ABCC2: variants seen among roughly 807,000 people sequenced by gnomAD.
ABCC2 encodes ATP binding cassette subfamily C member 2.
A neutral mutation model predicts 173.4 loss-of-function variants in ABCC2; 157 were observed. The observed-to-expected ratio is 0.91, with a 90% CI of 0.80 to 1.03. The LOEUF (loss-of-function observed/expected upper bound fraction) is 1.03, where lower values mean the gene tolerates loss of function less well. Ranked by LOEUF, ABCC2 falls within the 50% of genes least tolerant of loss-of-function variation. The pLI is 0.00. For missense variants in ABCC2, 1,822 were observed against 1,852.3 expected, an observed-to-expected ratio of 0.98 and a Z score of 0.30; for synonymous variants, 657 against 693.5, an observed-to-expected ratio of 0.95 and a Z score of 0.83.
At chr10:99,846,724 G>C (rs965310831) in intron 29 of ABCC2, among the ~76,000 whole-genome samples, 4 of 151,066 alleles carry the variant, frequency 2.6e-5, no homozygotes, top group African/African-American at 9.8e-5. Flanking sequence ...GGGCAACAGA[G>C]TGAAAGCCTC....
At chr10:99,793,035 C>T (rs559759766) in intron 3 of ABCC2, among the ~76,000 whole-genome samples, 1 of 128,654 alleles carries the variant, frequency 7.8e-6, no homozygotes, top group East Asian at 2.3e-4. Context: ...GCTCTTTCCC[C>T]ACCAGAATGC....
rs1209046076 is a variant in ABCC2, at chr10:99,782,678, CT to C, written c.-166del. On this transcript the variant is annotated 5_prime_UTR_variant, in exon 1 of 32. It removes the in-frame stop codon of an upstream open reading frame in the 5' UTR. Coordinates refer to ENST00000647814, the MANE Select transcript of ABCC2 (RefSeq NM_000392.5). Reference sequence around the variant, plus strand: ...TCCACTGTTTCAATGTAACATGCATCTAGGCAAGGTTAACGATTAAATGGTT... The same window carrying C: ...TCCACTGTTTCAATGTAACATGCATCAGGCAAGGTTAACGATTAAATGGTT... The C allele has an allele frequency of 2.6e-6, 2 of 778,704 alleles. No individual in the cohort carries two copies. The highest frequency in any genetic ancestry group is 3.4e-5 in the African/African-American group (2 of 58,036). The allele number at this position is 778,704 out of a possible 1,614,324, so 48.2% of individuals were successfully genotyped here.
At chr10:99,842,377 C>G (rs545867584) in intron 26 of ABCC2, among the ~76,000 whole-genome samples, 1 of 152,248 alleles carries the variant, frequency 6.6e-6, no homozygotes, top group African/African-American at 2.4e-5. Flanking sequence ...TGCCTCTTTG[C>G]TTGGTTCTAG....
At chr10:99,784,988 ACT>A (rs2037681164) in intron 2 of ABCC2, among the ~76,000 whole-genome samples, 1 of 151,948 alleles carries the variant, frequency 6.6e-6, no homozygotes, top group Non-Finnish European at 1.5e-5. Context: ...AAGAATGGTG[ACT>A]CTTAATTCTT....
At chr10:99,832,715 T>A (rs2038760594) in intron 23 of ABCC2, among the ~76,000 whole-genome samples, 1 of 152,318 alleles carries the variant, frequency 6.6e-6, no homozygotes, top group Middle Eastern at 3.4e-3. Flanking sequence ...GTAAATTTGG[T>A]CTGGACTATG....
At chr10:99,788,421 G>A (rs1221592227) in intron 2 of ABCC2, 1 of 151,906 alleles carries the variant, frequency 6.6e-6, no homozygotes, top group African/African-American at 2.4e-5. Flanking sequence ...CCCCCAAATA[G>A]ACCCAATAGG....
chr10:99,801,794 T>C (rs1014007862), intron 9 of ABCC2, among the ~76,000 whole-genome samples: 1 of 152,226 alleles, frequency 6.6e-6, no homozygotes, highest in African/African-American at 2.4e-5. Context: ...CTATTACAGT[T>C]CCTACTTTTC....
Position 99,830,342 on chromosome 10 carries a change from G to C in ABCC2, c.2656G>C (p.Gly886Arg). The C allele has an allele frequency of 6.2e-7, 1 of 1,614,134 alleles. No individual in the cohort carries two copies. Among genetic ancestry groups the C allele is most frequent in the Non-Finnish European group, 8.5e-7 (1 of 1,179,998 alleles). The change falls in exon 20 of 32, where the codon GGG becomes CGG. Residue 886 changes from glycine (G) to arginine (R), a missense_variant. By Grantham distance (125) the Gly-to-Arg change is moderately radical. Coordinates refer to ENST00000647814, the MANE Select transcript of ABCC2 (RefSeq NM_000392.5). ...CAGTGAAGAAGAAGACGATGACTAT[G>C]GGCTGATATCCAGTGTGGAAGAGAT... ...DGSEEEDDDYGLISSVEEIPE... is the reference protein window; with the variant it reads ...DGSEEEDDDYRLISSVEEIPE...
rs1210276535 is a variant in ABCC2 at position 99,814,040 on chromosome 10, GTGT to G, written c.2094+900_2094+902del. Among the ~76,000 whole-genome samples, 11 of 149,112 alleles carry G rather than the reference GTGT, an allele frequency of 7.4e-5. No individual in the cohort carries two copies. In the East Asian group the frequency reaches 2.2e-3, roughly 29 times the overall value. ...TTCCAAAATAAAAATCTGGTGTAGG[GTGT>G]TGTCTTCTTCATCAATTTTGTATAT... On this transcript the variant is annotated intron_variant, in intron 16 of 31. Coordinates refer to ENST00000647814, the MANE Select transcript of ABCC2 (RefSeq NM_000392.5).
chr10:99,798,019 A>G (rs973509212), intron 7 of ABCC2: 1 of 155,174 alleles, frequency 6.4e-6, no homozygotes, highest in African/African-American at 2.4e-5. Flanking sequence ...CAGGGTGCGC[A>G]TGGGGTGAGA....
intron 2 of ABCC2, among the ~76,000 whole-genome samples, chr10:99,785,292 A>C (rs1002648698): frequency 1.3e-5 from 2 of 152,144 alleles, no homozygotes; most frequent in African/African-American, 2.4e-5. Flanking sequence ...GAGGAGGGGT[A>C]AGTGTGCACA....
At chr10:99,791,648 C>T (rs2037813200) in intron 2 of ABCC2, among the ~76,000 whole-genome samples, 1 of 152,162 alleles carries the variant, frequency 6.6e-6, no homozygotes, top group African/African-American at 2.4e-5. Context: ...GAAGTCTTGA[C>T]TGGGGCTAAA....
intron 26 of ABCC2, among the ~76,000 whole-genome samples, chr10:99,843,169 C>T (rs1473531008): frequency 1.3e-5 from 2 of 152,192 alleles, no homozygotes; most frequent in African/African-American, 4.8e-5. Context: ...TTCATACCCC[C>T]ATTTCTAGGC....
At chr10:99,797,393 A>G (rs1432188547) in intron 7 of ABCC2, 62 bp downstream of exon 7, 7 of 1,418,082 alleles carry the variant, frequency 4.9e-6, no homozygotes, top group Non-Finnish European at 5.9e-6. Flanking sequence ...GTACATCAGC[A>G]TCATGGCGAT....
intron 19 of ABCC2, among the ~76,000 whole-genome samples, chr10:99,821,999 G>A (rs895327953): frequency 6.6e-5 from 10 of 151,730 alleles, no homozygotes; most frequent in Admixed American, 1.3e-4. Context: ...CAAATAGGAG[G>A]ATAACGATAC....
intron 19 of ABCC2, among the ~76,000 whole-genome samples, chr10:99,821,779 T>G (rs1295196022): frequency 6.6e-6 from 1 of 151,942 alleles, no homozygotes; most frequent in East Asian, 1.9e-4. Context: ...CAATCTGATC[T>G]CTCTTGCTTT....
At chr10:99,792,993 C>T (rs1462254010) in intron 3 of ABCC2, among the ~76,000 whole-genome samples, 1 of 152,206 alleles carries the variant, frequency 6.6e-6, no homozygotes, top group Non-Finnish European at 1.5e-5. Flanking sequence ...GTGCTCGGCA[C>T]AATCCTTCCT....
At position 99,845,744 on chromosome 10, in the gene ABCC2, C is replaced by T; in HGVS notation, c.4108C>T (p.Leu1370Phe). Residue 1370 changes from leucine to phenylalanine, a missense_variant, in exon 29 of 32, where the codon CTC (leucine) becomes TTC (phenylalanine). Physicochemically the swap from Leu to Phe is conservative, Grantham distance 22. Coordinates refer to ENST00000647814, the MANE Select transcript of ABCC2 (RefSeq NM_000392.5). The stretch of plus-strand genomic sequence containing the variant: ...TGGAGTAGATATTGCTTCCATTGGG[C>T]TCCACGACCTCCGAGAGAAGCTGAC... ...IDGVDIASIG[L>F]HDLREKLTII... 6.2e-7 allele frequency: 1 copy of T among 1,612,588 alleles called. No individual in the cohort carries two copies. Among genetic ancestry groups the T allele is most frequent in the Admixed American group, 1.7e-5 (1 of 59,836 alleles).
chr10:99,816,129 G>T (rs1252128451), intron 16 of ABCC2, among the ~76,000 whole-genome samples: 2 of 150,526 alleles, frequency 1.3e-5, no homozygotes, highest in Admixed American at 1.3e-4. Context: ...CACCATGCCC[G>T]GCTAATTTTT....
Sources: gnomAD v4.1 joint callset for allele counts (sites outside exome capture counted in the v4.1 genomes callset) on GRCh38, gnomAD v4.1.1 for gene constraint, MANE v1.5 for transcripts, NCBI Gene and HGNC (gene_info 2026-07-23, HGNC 2026-07-21) for gene names.